Variants in ASH1L observed in about 807,000 individuals in gnomAD.
ASH1L encodes the protein histone-lysine N-methyltransferase ASH1L.
In ASH1L, 23 loss-of-function variants were observed where a neutral mutation model predicts 269.0. The observed-to-expected ratio is 0.09, with a 90% confidence interval of 0.06 to 0.12. The LOEUF is 0.12. Among genes scored for constraint, ASH1L ranks in the 10% least tolerant of loss-of-function variants. The pLI, the probability that ASH1L is intolerant of heterozygous loss-of-function variation, is 1.00. For synonymous variants in ASH1L, 1,187 were observed against 1,253.5 expected, an observed-to-expected ratio of 0.95 and a Z score of 1.12; for missense variants, 2,912 against 3,567.8, an observed-to-expected ratio of 0.82 and a Z score of 4.68.
Position 155,480,958 on chromosome 1 carries a change from T to C in ASH1L, c.1912A>G (p.Thr638Ala). The C allele has an allele frequency of 1.9e-6, 3 of 1,614,104 alleles. No homozygotes were observed. Among genetic ancestry groups the C allele is most frequent in the Non-Finnish European group, 2.5e-6 (3 of 1,179,988 alleles). The change falls in exon 3 of 28, where the codon ACT becomes GCT. Residue 638 changes from threonine (T) to alanine (A), a missense_variant. Physicochemically the swap from Thr to Ala is moderately conservative, Grantham distance 58. Coordinates refer to ENST00000392403, the MANE Select transcript of ASH1L (RefSeq NM_018489.3). ...ATTCTTGGAATATCTATATGGGTAG[T>C]TTTTGAATCATTTACCTCTTTATCA... ...GIDKEVNDSK[T>A]THIDIPRISS...
chr1:155,467,153 A>G (rs1279565072), intron 3 of ASH1L, among the ~76,000 whole-genome samples: 1 of 152,166 alleles, frequency 6.6e-6, no homozygotes, highest in Non-Finnish European at 1.5e-5. Context: ...CCAATTTTAG[A>G]ATCCAGGTTT....
At position 155,480,637 on chromosome 1, in the gene ASH1L, C is replaced by G. The variant is rs768810492; in HGVS notation, c.2233G>C (p.Val745Leu). The G allele has an allele frequency of 3.1e-6, 5 of 1,613,900 alleles. No individual in the cohort carries two copies. The highest frequency in any genetic ancestry group is 3.3e-5 in the Admixed American group (2 of 59,964). The stretch of plus-strand genomic sequence containing the variant: ...CTATTTGATAGTGAGCTACATGAAA[C>G]GTTTTTAAAAAGCTCTGATCTTTCT... The part of the protein sequence containing the change: ...ELERSELFKN[V>L]SCSSLSNSNS... The change falls in exon 3 of 28, where the codon GTT (valine) becomes CTT (leucine). Residue 745 changes from valine (V) to leucine (L), a missense_variant. By Grantham distance (32) the Val-to-Leu change is conservative (BLOSUM62 1). Around this residue, in one of 13 missense-constraint regions of ASH1L, gnomAD observed 715 missense variants for 721.0 expected, o/e 0.99. Transcript: ENST00000392403.
rs1358076253 is a variant in ASH1L, at chr1:155,478,020, G to C, written c.4850C>G (p.Ser1617Ter). The C allele has an allele frequency of 6.2e-7, 1 of 1,614,252 alleles. No individual in the cohort carries two copies. The highest frequency in any genetic ancestry group is 8.5e-7 in the Non-Finnish European group (1 of 1,180,054). The part of the protein sequence containing the change: ...FTSAIGSCRV[S>*]NPNSSGRKKL... ...CTTCCGGCCACTGGAGTTAGGGTTT[G>C]AAACTCTGCAGCTGCCTATTGCACT... Residue 1617 changes from serine to a stop codon, truncating the protein, a stop_gained, in exon 3 of 28, where the codon TCA becomes TGA. Transcript: ENST00000392403. LOFTEE classifies it high-confidence loss of function. The surrounding 1 kb of genome is among the most constrained non-coding windows in gnomAD (Gnocchi z 4.6).
Position 155,562,346 on chromosome 1 carries a change from C to A in ASH1L, c.-293G>T. On this transcript the variant is annotated 5_prime_UTR_variant, in exon 1 of 28. Transcript: ENST00000392403. ...GGGAAAGGTGGAAGGCTAAAGGGGGCAAACTGAGGGGAGGCGGGTCCCGCA... is the reference window on the plus strand; with the variant it reads ...GGGAAAGGTGGAAGGCTAAAGGGGGAAAACTGAGGGGAGGCGGGTCCCGCA... The A allele has an allele frequency of 1.3e-6, 2 of 1,545,924 alleles. No individual in the cohort carries two copies. Among genetic ancestry groups the A allele is most frequent in the Non-Finnish European group, 1.8e-6 (2 of 1,131,098 alleles).
intron 4 of ASH1L, among the ~76,000 whole-genome samples, chr1:155,456,486 A>G (rs556115841): frequency 5.5e-4 from 83 of 152,136 alleles, no homozygotes; most frequent in African/African-American, 2.0e-3. Flanking sequence ...ATACAGTTTG[A>G]TGTTTCTTAT....
At chr1:155,365,624 T>C (rs1655352280) in intron 12 of ASH1L, among the ~76,000 whole-genome samples, 1 of 152,184 alleles carries the variant, frequency 6.6e-6, no homozygotes, top group South Asian at 2.1e-4. Flanking sequence ...AACCAGATGA[T>C]ACAATTGGAG....
intron 4 of ASH1L, among the ~76,000 whole-genome samples, chr1:155,458,717 A>AAACC (rs373281175): frequency 0.14 from 20,858 of 150,662 alleles, 1,490 homozygotes; most frequent in African/African-American, 0.16. Flanking sequence ...ACTCATCTCA[A>AAACC]AACCAACCAA....
intron 7 of ASH1L, among the ~76,000 whole-genome samples, chr1:155,388,449 C>T (rs1035409306): frequency 2.0e-5 from 3 of 151,596 alleles, no homozygotes; most frequent in Non-Finnish European, 4.4e-5. Flanking sequence ...TGTCACCATA[C>T]CTGGCTAAAT....
chr1:155,548,367 CA>C (rs1558215021), intron 1 of ASH1L, among the ~76,000 whole-genome samples: 1 of 151,940 alleles, frequency 6.6e-6, no homozygotes, highest in Non-Finnish European at 1.5e-5. Flanking sequence ...ACTAAAAATA[CA>C]AAAATTAGCC....
intron 26 of ASH1L, among the ~76,000 whole-genome samples, chr1:155,339,011 G>A (rs928886194): frequency 6.6e-6 from 1 of 152,178 alleles, no homozygotes; most frequent in Admixed American, 6.5e-5. Context: ...CTTGATAGAG[G>A]TACCAAGAGC....
At chr1:155,440,163 C>T (rs1662437013) in intron 4 of ASH1L, among the ~76,000 whole-genome samples, 2 of 151,852 alleles carry the variant, frequency 1.3e-5, no homozygotes, top group Non-Finnish European at 2.9e-5. Context: ...TAAAAATTAG[C>T]CCAGTGTGGT....
At chr1:155,393,553 C>G (rs941842005) in intron 7 of ASH1L, among the ~76,000 whole-genome samples, 23 of 150,460 alleles carry the variant, frequency 1.5e-4, no homozygotes, top group Admixed American at 1.3e-3. Context: ...ATCCTTATTT[C>G]TTTTCTTTTT....
chr1:155,482,272 G>C lies in ASH1L; in HGVS notation c.598C>G (p.Arg200Gly), dbSNP rs771535213. The C allele has an allele frequency of 6.2e-7, 1 of 1,614,062 alleles. No individual in the cohort carries two copies. The highest frequency in any genetic ancestry group is 8.5e-7 in the Non-Finnish European group (1 of 1,179,996). The change falls in exon 3 of 28, where the codon CGG becomes GGG. Residue 200 changes from arginine (R) to glycine (G), a missense_variant. Coordinates refer to ENST00000392403, the MANE Select transcript of ASH1L (RefSeq NM_018489.3). ...GCTCTGTCCTTTAAATCAGGATCCCGGCTACCAAGAAGAGTAGATGGCGTT... is the reference window on the plus strand; with the variant it reads ...GCTCTGTCCTTTAAATCAGGATCCCCGCTACCAAGAAGAGTAGATGGCGTT... ...NATPSTLLGS[R>G]DPDLKDRALL...
At chr1:155,458,531 A>G (rs895293217) in intron 4 of ASH1L, among the ~76,000 whole-genome samples, 5 of 152,196 alleles carry the variant, frequency 3.3e-5, no homozygotes, top group Non-Finnish European at 5.9e-5. Context: ...CCTGGCCAAC[A>G]TGGCGAATTT....
intron 7 of ASH1L, among the ~76,000 whole-genome samples, chr1:155,394,695 T>A (rs995838444): frequency 6.6e-6 from 1 of 152,212 alleles, no homozygotes; most frequent in African/African-American, 2.4e-5. Context: ...TGGAAGGTAC[T>A]ACTATCCAAA....
At chr1:155,550,430 A>C (rs1389755508) in intron 1 of ASH1L, among the ~76,000 whole-genome samples, 1 of 152,114 alleles carries the variant, frequency 6.6e-6, no homozygotes, top group Non-Finnish European at 1.5e-5. Flanking sequence ...AAAACTAGAT[A>C]CCTATCAAGT....
intron 1 of ASH1L, among the ~76,000 whole-genome samples, chr1:155,541,365 A>T (rs1477108826): frequency 7.2e-5 from 11 of 152,164 alleles, no homozygotes; most frequent in Non-Finnish European, 2.9e-5. Context: ...TCTATAATTT[A>T]AAAAATAAGC....
intron 5 of ASH1L, among the ~76,000 whole-genome samples, chr1:155,435,848 C>T (rs1232623024): frequency 1.3e-5 from 2 of 152,108 alleles, no homozygotes; most frequent in East Asian, 1.9e-4. Context: ...GTCAGGAGTT[C>T]GAGGCTAGCA....
At chr1:155,426,560 G>A (rs1041273364) in intron 5 of ASH1L, among the ~76,000 whole-genome samples, 49 of 152,074 alleles carry the variant, frequency 3.2e-4, no homozygotes, top group Non-Finnish European at 6.3e-4. Flanking sequence ...GGATAGTCTC[G>A]AACTTCTGAC....
Sources: gnomAD v4.1 joint callset for allele counts (sites outside exome capture counted in the v4.1 genomes callset) on GRCh38, gnomAD v4.1.1 for gene constraint, gnomAD v4.1.1 regional missense constraint, Gnocchi (gnomAD v3.1) non-coding constraint, MANE v1.5 for transcripts, NCBI Gene and HGNC (gene_info 2026-07-23, HGNC 2026-07-21) for gene names.